Variants in DHX29 observed in about 807,000 individuals in gnomAD.
DHX29 encodes the protein ATP-dependent RNA helicase DHX29.
DHX29 carries 79 observed loss-of-function variants against 167.9 expected under a neutral mutation model. The observed-to-expected ratio is 0.47, with a 90% CI of 0.39 to 0.57. The LOEUF is 0.57. DHX29 is among the 20% of genes least tolerant of loss of function. The probability of loss-of-function intolerance (pLI) is 0.00; values close to 1 mark genes in which losing one functional copy is unlikely to be tolerated. For synonymous variants in DHX29, 530 were observed against 546.0 expected (o/e 0.97, Z 0.41); for missense variants, 1,347 against 1,593.4 (o/e 0.85, Z 2.63).
chr5:55,271,966 T>C, intron 18 of DHX29, 121 bp downstream of exon 18: 1 of 550,118 alleles, frequency 1.8e-6, no homozygotes, highest in South Asian at 3.1e-5. Flanking sequence ...GGCTTTTGCT[T>C]TGGACAGAAC....
intron 12 of DHX29, among the ~76,000 whole-genome samples, chr5:55,277,799 G>A (rs532121724): frequency 3.8e-4 from 58 of 151,676 alleles, no homozygotes; most frequent in African/African-American, 1.3e-3. Flanking sequence ...CCAGCTACCC[G>A]GGAGGCTGAG....
intron 10 of DHX29, 91 bp downstream of exon 10, chr5:55,285,202 A>C: frequency 6.6e-7 from 1 of 1,523,536 alleles, no homozygotes; most frequent in South Asian, 1.3e-5. Flanking sequence ...AGAAAGGATT[A>C]ATCAGAAGAA....
Position 55,290,267 on chromosome 5 carries a change from G to T in DHX29, c.858C>A (p.Asn286Lys). 5.6e-6 allele frequency: 9 copies of T among 1,610,544 alleles called. No individual in the cohort carries two copies. The highest frequency in any genetic ancestry group is 2.2e-5 in the East Asian group (1 of 44,600). Residue 286 changes from asparagine (N) to lysine (K), a missense_variant, in exon 7 of 27, where the codon AAC becomes AAA. Around this residue, in one of 3 missense-constraint regions of DHX29, gnomAD observed 405 missense variants for 416.8 expected, o/e 0.97. Transcript: ENST00000251636. ...EQAATFKLEK[N>K]KQGQKEAQEK... ...CCTGAGCCTCTTTTTGGCCTTGCTT[G>T]TTTTTTTCTAGTTTAAAGGTAGCTG...
At chr5:55,270,849 C>T in intron 18 of DHX29, 143 bp from the exon 19 acceptor site, 1 of 617,308 alleles carries the variant, frequency 1.6e-6, no homozygotes, top group Non-Finnish European at 2.9e-6. Context: ...AATTATGCTT[C>T]ATATTTAAAT....
Position 55,269,618 on chromosome 5 carries a change from G to A in DHX29, c.3089C>T (p.Pro1030Leu), listed in dbSNP as rs1452008160. The change falls in exon 21 of 27, where the codon CCT becomes CTT. Residue 1030 changes from proline (P) to leucine (L), a missense_variant. Transcript: ENST00000251636. Reference protein sequence around the residue: ...LHIMKCNLGSPEDFLSKALDP... With the variant: ...LHIMKCNLGSLEDFLSKALDP... The stretch of plus-strand genomic sequence containing the variant: ...TAAGGCTTTGGAGAGGAAATCTTCA[G>A]GAGAACCAAGATTACATTTCTGCAG... 1.2e-6 allele frequency: 2 copies of A among 1,613,444 alleles called. No individual in the cohort carries two copies. Among genetic ancestry groups the A allele is most frequent in the Non-Finnish European group, 1.7e-6 (2 of 1,179,602 alleles).
intron 20 of DHX29, 111 bp downstream of exon 20, chr5:55,270,301 A>G (rs1479491880): frequency 8.4e-7 from 1 of 1,197,384 alleles, no homozygotes; most frequent in African/African-American, 1.6e-5. Flanking sequence ...ATTAAAGAAG[A>G]GTAAAAAAGT....
intron 7 of DHX29, among the ~76,000 whole-genome samples, chr5:55,289,791 T>C (rs903137967): frequency 6.6e-6 from 1 of 152,226 alleles, no homozygotes; most frequent in Non-Finnish European, 1.5e-5. Context: ...TTTTATGGTA[T>C]AAAAATCATA....
At chr5:55,268,907 T>C (rs1320126293) in intron 21 of DHX29, among the ~76,000 whole-genome samples, 1 of 152,174 alleles carries the variant, frequency 6.6e-6, no homozygotes, top group Non-Finnish European at 1.5e-5. Context: ...CCATTAAATA[T>C]TTCAAGTGGG....
intron 11 of DHX29, among the ~76,000 whole-genome samples, chr5:55,282,088 A>C (rs569190510): frequency 6.6e-6 from 1 of 152,252 alleles, no homozygotes; most frequent in African/African-American, 2.4e-5. Context: ...ACCCAGCCCC[A>C]AAATTTTTGT....
At position 55,276,315 on chromosome 5, in the gene DHX29, T is replaced by A. The variant is rs763925348; in HGVS notation, c.2378A>T (p.Glu793Val). The A allele has an allele frequency of 2.1e-5, 33 of 1,603,596 alleles. No individual in the cohort carries two copies. The highest frequency in any genetic ancestry group is 2.6e-5 in the Non-Finnish European group (30 of 1,176,430). ...TTTGCTTGTAACATTAATGGTTACT[T>A]CTTCTTCCTCTTCCAGAAATTTCTG... is the stretch of plus-strand genomic sequence containing the variant. ...YCQKFLEEEE[E>V]VTINVTSKAG... Residue 793 changes from glutamate to valine, a missense_variant, in exon 14 of 27, where the codon GAA becomes GTA. Coordinates refer to ENST00000251636, the MANE Select transcript of DHX29 (RefSeq NM_019030.4).
At chr5:55,277,905 C>CAAAA (rs753851538) in intron 12 of DHX29, among the ~76,000 whole-genome samples, 3 of 62,142 alleles carry the variant, frequency 4.8e-5, no homozygotes, top group Non-Finnish European at 1.0e-4. Context: ...GACTCTATCT[C>CAAAA]AAAAAAAAAA....
chr5:55,261,363 T>C lies in DHX29; in HGVS notation c.3960+5A>G, dbSNP rs1746305191. 1.3e-6 allele frequency: 2 copies of C among 1,542,384 alleles called. No individual in the cohort carries two copies. The highest frequency in any genetic ancestry group is 1.8e-6 in the Non-Finnish European group (2 of 1,123,892). ...ATAATCAATAAAATCAGTTGTACTA[T>C]GTACCTGAAAATAGATCCAGCCATC... is the stretch of plus-strand genomic sequence containing the variant. On this transcript the variant is annotated splice_donor_5th_base_variant and intron_variant, in intron 25 of 26. Transcript: ENST00000251636.
chr5:55,261,508 G>GA lies in DHX29; in HGVS notation c.3829-10dup, dbSNP rs1206132215. On this transcript the variant is annotated splice_polypyrimidine_tract_variant and intron_variant, in intron 24 of 26. Transcript: ENST00000251636. ...ACTCTGGCATACCTTATCTACATGG[G>GA]AAAAAGGGGGGAAAATAACTTCAAA... 6.6e-7 allele frequency: 1 copy of GA among 1,512,526 alleles called. No individual in the cohort carries two copies. The highest frequency in any genetic ancestry group is 2.3e-5 in the East Asian group (1 of 43,176). The allele number at this position is 1,512,526 out of a possible 1,614,324, so 93.7% of individuals were successfully genotyped here.
At position 55,274,907 on chromosome 5, in the gene DHX29, T is replaced by G; in HGVS notation, c.2531A>C (p.Lys844Thr). ...QHAILYMNPH[K>T]INLDLILELL... The stretch of plus-strand genomic sequence containing the variant: ...TTCCAAAATGAGATCCAGGTTGATT[T>G]TATGAGGATTCATGTATAGAATAGC... The change falls in exon 15 of 27, where the codon AAA (lysine) becomes ACA (threonine). Residue 844 changes from lysine (K) to threonine (T), a missense_variant. By Grantham distance (78) the Lys-to-Thr change is moderately conservative. This residue lies in a region of DHX29 where 882 missense variants were observed against 1,082.4 expected (regional missense o/e 0.81). Coordinates refer to ENST00000251636, the MANE Select transcript of DHX29 (RefSeq NM_019030.4). 6.2e-7 allele frequency: 1 copy of G among 1,613,764 alleles called. No homozygotes were observed. Among genetic ancestry groups the G allele is most frequent in the Admixed American group, 1.7e-5 (1 of 59,950 alleles).
At chr5:55,283,912 ATT>A in intron 10 of DHX29, 101 bp from the exon 11 acceptor site, 1 of 960,232 alleles carries the variant, frequency 1.0e-6, no homozygotes, top group Non-Finnish European at 1.5e-6. Flanking sequence ...TTAAAATATA[ATT>A]TGACTCAAAT....
At chr5:55,297,431 A>C (rs368147235) in intron 2 of DHX29, 33 bp from the exon 3 acceptor site, 134 of 875,880 alleles carry the variant, frequency 1.5e-4, no homozygotes, top group Admixed American at 9.0e-4. Flanking sequence ...ATCATTTAGA[A>C]GCTAAATTAT....
At chr5:55,285,037 T>C (rs1337436815) in intron 10 of DHX29, among the ~76,000 whole-genome samples, 1 of 152,104 alleles carries the variant, frequency 6.6e-6, no homozygotes, top group East Asian at 1.9e-4. Flanking sequence ...AAATTCTCCT[T>C]AATTCAACCA....
rs545240055 is a variant in DHX29, at chr5:55,283,581, C to T, written c.1587G>A (p.Ser529=). The stretch of plus-strand genomic sequence containing the variant: ...AGGACAGTGCAGAAAAATCCTCATC[C>T]GAAACTAAATTTTCCCAAGATTCCT... The part of the protein sequence containing the change: ...DPEESWENLV[S]DEDFSALSLE... The change falls in exon 11 of 27, where the codon TCG becomes TCA. Residue 529 remains serine (S), a synonymous_variant. Transcript: ENST00000251636. 38 of 1,614,100 alleles carry T rather than the reference C, an allele frequency of 2.4e-5. No individual in the cohort carries two copies. The East Asian group carries it at 4.0e-4, about 17-fold the overall frequency.
rs770765094 is a variant in DHX29, at chr5:55,283,458, T to C, written c.1710A>G (p.Gln570=). 1.2e-6 allele frequency: 2 copies of C among 1,614,118 alleles called. No homozygotes were observed. The highest frequency in any genetic ancestry group is 2.7e-5 in the African/African-American group (2 of 74,952). The change falls in exon 11 of 27, where the codon CAA becomes CAG. Residue 570 remains glutamine, a synonymous_variant. Transcript: ENST00000251636. The part of the protein sequence containing the change: ...PKYQKLLKER[Q]QLPVFKHRDS... ...CCCGATGTTTAAATACAGGTAGCTG[T>C]TGTCTTTCCTTTAGAAGTTTCTGAT...
Sources: allele counts gnomAD v4.1 joint callset (sites outside exome capture counted in the v4.1 genomes callset), GRCh38; gene constraint gnomAD v4.1.1; regional missense constraint gnomAD v4.1.1; transcripts MANE v1.5; gene names NCBI Gene and HGNC (gene_info 2026-07-23, HGNC 2026-07-21).